Variants in IQUB observed in about 807,000 individuals in gnomAD.
The protein encoded by IQUB is IQ motif and ubiquitin-like domain-containing protein.
A neutral mutation model predicts 86.4 loss-of-function variants in IQUB; 86 were observed. That is an observed-to-expected ratio of 1.00 (90% CI 0.84 to 1.19). IQUB has a LOEUF of 1.19. IQUB is among the 50% of genes most tolerant of loss of function. IQUB has a pLI of 0.00. For synonymous variants in IQUB, 289 were observed against 304.5 expected (o/e 0.95, Z 0.53); for missense variants, 946 against 916.9 (o/e 1.03, Z -0.41).
chr7:123,462,432 T>C (rs1212303810), intron 10 of IQUB, among the ~76,000 whole-genome samples: 4 of 151,792 alleles, frequency 2.6e-5, no homozygotes, highest in African/African-American at 9.7e-5. Context: ...GTTCTGAATA[T>C]CTATCTGTTA....
chr7:123,454,149 T>TTCA, intron 12 of IQUB, among the ~76,000 whole-genome samples: 1 of 152,138 alleles, frequency 6.6e-6, no homozygotes, highest in East Asian at 1.9e-4. Context: ...GGTTAAAATA[T>TTCA]TCATCTTTTG....
chr7:123,456,578 T>C (rs1427294006), intron 12 of IQUB: 1 of 152,076 alleles, frequency 6.6e-6, no homozygotes, highest in Non-Finnish European at 1.5e-5. Context: ...GGAATCACAC[T>C]ATTTTAAACG....
intron 1 of IQUB, among the ~76,000 whole-genome samples, chr7:123,521,707 T>C (rs1030401875): frequency 3.3e-5 from 5 of 149,934 alleles, no homozygotes; most frequent in Non-Finnish European, 7.4e-5. Context: ...CTGTAACCTG[T>C]AGATTGTATG....
At chr7:123,476,294 AG>A (rs1194885831) in intron 8 of IQUB, among the ~76,000 whole-genome samples, 1 of 152,200 alleles carries the variant, frequency 6.6e-6, no homozygotes, top group Non-Finnish European at 1.5e-5. Context: ...CTGGAAGAAG[AG>A]GCATCTGAGC....
At chr7:123,515,198 A>C (rs977691106) in intron 1 of IQUB, among the ~76,000 whole-genome samples, 4 of 152,136 alleles carry the variant, frequency 2.6e-5, no homozygotes, top group African/African-American at 4.8e-5. Context: ...TTAGAAAGAG[A>C]ATATCATAAC....
intron 10 of IQUB, among the ~76,000 whole-genome samples, chr7:123,463,961 T>C (rs1306992545): frequency 2.6e-5 from 4 of 151,752 alleles, no homozygotes; most frequent in African/African-American, 9.7e-5. Flanking sequence ...TATATTTTAA[T>C]ATTCTTTTTG....
chr7:123,469,345 T>C lies in IQUB; in HGVS notation c.1450A>G (p.Thr484Ala). 4 of 1,606,508 alleles carry C rather than the reference T, an allele frequency of 2.5e-6. No homozygotes were observed. The highest frequency in any genetic ancestry group is 3.4e-6 in the Non-Finnish European group (4 of 1,176,330). The change falls in exon 9 of 13, where the codon ACA becomes GCA. Residue 484 changes from threonine (T) to alanine (A), a missense_variant. Thr to Ala is a moderately conservative substitution (Grantham distance 58, BLOSUM62 0). Transcript: ENST00000324698. ...GTGAACTGCGTATCCATCTCAATTG[T>C]TTTGCCATTAGGGGTTCTCCATATT... ...PKIWRTPNGK[T>A]IEMDTQFTIR... is the part of the protein sequence containing the mutation.
At chr7:123,529,138 A>G (rs1797400640) in intron 1 of IQUB, among the ~76,000 whole-genome samples, 1 of 152,184 alleles carries the variant, frequency 6.6e-6, no homozygotes, top group South Asian at 2.1e-4. Flanking sequence ...AGAAGGGGAT[A>G]AAATAAGAAG....
At chr7:123,489,956 T>C (rs193300672) in intron 7 of IQUB, among the ~76,000 whole-genome samples, 15 of 151,752 alleles carry the variant, frequency 9.9e-5, no homozygotes, top group Non-Finnish European at 1.8e-4. Flanking sequence ...AGTAAACAGA[T>C]AAGTATAAAA....
In IQUB at chr7:123,464,909, C is replaced by T; in HGVS notation, c.1682G>A (p.Arg561Lys). 1 of 1,606,588 alleles carries T rather than the reference C, an allele frequency of 6.2e-7. No homozygotes were observed. The highest frequency in any genetic ancestry group is 8.5e-7 in the Non-Finnish European group (1 of 1,176,556). ...AAAAAAGAGTGTCGCAATTCTTTTT[C>T]TGAGTCCTTCAAGGTTATGATGTTT... ...GVKHHNLEGLRKRIATLFFHY... is the reference protein window; with the variant it reads ...GVKHHNLEGLKKRIATLFFHY... Residue 561 changes from arginine to lysine, a missense_variant, in exon 10 of 13, where the codon AGA becomes AAA. Transcript: ENST00000324698.
At chr7:123,486,556 G>A (rs1795219653) in intron 7 of IQUB, among the ~76,000 whole-genome samples, 1 of 152,158 alleles carries the variant, frequency 6.6e-6, no homozygotes, top group African/African-American at 2.4e-5. Flanking sequence ...CGTAGTAATT[G>A]TCCTTAGTAA....
intron 12 of IQUB, among the ~76,000 whole-genome samples, chr7:123,456,448 G>C (rs1181808336): frequency 6.6e-6 from 1 of 151,884 alleles, no homozygotes; most frequent in African/African-American, 2.4e-5. Flanking sequence ...TCAATCCCTA[G>C]AGTGAAATTT....
At chr7:123,524,769 G>A (rs1455046205) in intron 1 of IQUB, among the ~76,000 whole-genome samples, 2 of 148,070 alleles carry the variant, frequency 1.4e-5, no homozygotes, top group Admixed American at 1.4e-4. Flanking sequence ...GGGCATCCCT[G>A]TCTTGTGCCA....
At chr7:123,486,710 A>T (rs1795225673) in intron 7 of IQUB, among the ~76,000 whole-genome samples, 1 of 152,198 alleles carries the variant, frequency 6.6e-6, no homozygotes, top group South Asian at 2.1e-4. Flanking sequence ...ACTGTTTTAC[A>T]GATTTCATTT....
intron 11 of IQUB, among the ~76,000 whole-genome samples, chr7:123,461,145 C>T (rs368315904): frequency 2.6e-5 from 4 of 151,464 alleles, no homozygotes; most frequent in African/African-American, 4.8e-5. Flanking sequence ...ATATTGAGGG[C>T]CTTAAATAAA....
intron 3 of IQUB, among the ~76,000 whole-genome samples, chr7:123,504,449 G>A (rs963740041): frequency 6.6e-6 from 1 of 151,730 alleles, no homozygotes; most frequent in Non-Finnish European, 1.5e-5. Flanking sequence ...ACTCTGTCTC[G>A]AAAAAAAATA....
intron 7 of IQUB, among the ~76,000 whole-genome samples, chr7:123,490,879 G>A (rs780156381): frequency 4.0e-5 from 6 of 151,814 alleles, no homozygotes; most frequent in African/African-American, 7.2e-5. Context: ...CAGGAGAATC[G>A]CTTGAACCCG....
chr7:123,519,064 C>G (rs1318592099), intron 1 of IQUB, among the ~76,000 whole-genome samples: 2 of 152,048 alleles, frequency 1.3e-5, no homozygotes, highest in African/African-American at 2.4e-5. Context: ...AAAAAATACT[C>G]AACATCAATA....
chr7:123,487,361 C>T (rs1379456249), intron 7 of IQUB, among the ~76,000 whole-genome samples: 1 of 152,186 alleles, frequency 6.6e-6, no homozygotes, highest in Non-Finnish European at 1.5e-5. Context: ...ATTTCAAAGA[C>T]TCATGGCATA....
Sources: allele counts gnomAD v4.1 joint callset (sites outside exome capture counted in the v4.1 genomes callset), GRCh38; gene constraint gnomAD v4.1.1; transcripts MANE v1.5; gene names NCBI Gene and HGNC (gene_info 2026-07-23, HGNC 2026-07-21).